Variants in MOK observed in about 807,000 individuals in gnomAD.
MOK encodes MOK protein kinase, also known as MAPK/MAK/MRK overlapping kinase.
In MOK, 59 loss-of-function variants were observed where a neutral mutation model predicts 54.2. The observed-to-expected ratio is 1.09, with a 90% CI of 0.88 to 1.35. The LOEUF is 1.35. MOK is among the 40% of genes most tolerant of loss of function. The pLI is 0.00. For synonymous variants in MOK, 210 were observed against 202.7 expected, an observed-to-expected ratio of 1.04 and a Z score of -0.31; for missense variants, 517 against 526.2, an observed-to-expected ratio of 0.98 and a Z score of 0.17.
the MOK span, among the ~76,000 whole-genome samples, chr14:102,218,474 A>G: frequency 6.6e-6 from 1 of 152,256 alleles, no homozygotes; most frequent in Non-Finnish European, 1.5e-5. Flanking sequence ...TCTGGCTGTC[A>G]GAATCTCCAG....
At chr14:102,256,724 T>TA (rs11298006) in intron 4 of MOK, among the ~76,000 whole-genome samples, 1,477 of 135,782 alleles carry the variant, frequency 0.011, 20 homozygotes, top group African/African-American at 0.026. Context: ...TTGAAACAGT[T>TA]AAAAAAAAAA....
intron 2 of MOK, among the ~76,000 whole-genome samples, chr14:102,270,033 G>A (rs1350108114): frequency 1.3e-5 from 2 of 152,062 alleles, no homozygotes; most frequent in East Asian, 3.9e-4. Flanking sequence ...TGGACCATAA[G>A]GTAAGTCTCA....
Position 102,229,208 on chromosome 14 carries a change from G to T in MOK, c.*81C>A. On this transcript the variant is annotated 3_prime_UTR_variant, in exon 12 of 12. Transcript: ENST00000361847. The stretch of plus-strand genomic sequence containing the variant: ...GCAGGCGCATCCCCAGCCCTCCGTG[G>T]CGTCTCAGCAGCAGATCACCCAGGC... 2 of 1,403,680 alleles carry T rather than the reference G, an allele frequency of 1.4e-6. No homozygotes were observed. Among genetic ancestry groups the T allele is most frequent in the Non-Finnish European group, 1.9e-6 (2 of 1,031,006 alleles). 87.0% of individuals were successfully genotyped at this position (1,403,680 alleles called of 1,614,324 possible). A position where few individuals can be genotyped will look rare whatever the true frequency, so the allele number is the denominator to read the frequency against.
intron 2 of MOK, among the ~76,000 whole-genome samples, chr14:102,278,050 C>T (rs2069050211): frequency 6.7e-6 from 1 of 149,900 alleles, no homozygotes. Context: ...CATGCGACCT[C>T]TCTCTCTCTC....
Position 102,261,531 on chromosome 14 carries a change from A to T in MOK, c.283+2015T>A, listed in dbSNP as rs1473151826. 1.9e-4 allele frequency among the ~76,000 whole-genome samples: 22 copies of T among 118,554 alleles called. 1 individual carries two copies. The highest frequency in any genetic ancestry group is 5.9e-4 in the East Asian group (2 of 3,380). The allele number at this position is 118,554 out of a possible 152,430, so 77.8% of individuals were successfully genotyped here. On this transcript the variant is annotated intron_variant, in intron 4 of 11. Coordinates refer to ENST00000361847, the MANE Select transcript of MOK (RefSeq NM_014226.3). The stretch of plus-strand genomic sequence containing the variant: ...AAATTCTCCCTTCTTGTTGACTTTT[A>T]TTTTTTTTTTATTTTCTGTTGAGAT...
Position 102,232,759 on chromosome 14 carries a change from C to T in MOK, c.693-51G>A, listed in dbSNP as rs769349427. On this transcript the variant is annotated intron_variant, in intron 8 of 11. Coordinates refer to ENST00000361847, the MANE Select transcript of MOK (RefSeq NM_014226.3). The surrounding 1 kb of genome is among the most constrained non-coding windows in gnomAD (Gnocchi z 5.1). ...AATGGTCATGCTGTCACTGAGCGCA[C>T]CGGTGGTCCACTGTCACAACTAAGG... 2 of 1,531,132 alleles carry T rather than the reference C, an allele frequency of 1.3e-6. No individual in the cohort carries two copies. The highest frequency in any genetic ancestry group is 1.8e-6 in the Non-Finnish European group (2 of 1,118,190). The allele number at this position is 1,531,132 out of a possible 1,614,324, so 94.8% of individuals were successfully genotyped here.
chr14:102,249,438 G>A lies in MOK; in HGVS notation c.590+1374C>T, dbSNP rs760257008. 1.4e-4 allele frequency among the ~76,000 whole-genome samples: 22 copies of A among 152,262 alleles called. No individual in the cohort carries two copies. Among genetic ancestry groups the A allele is most frequent in the African/African-American group, 2.4e-4 (10 of 41,536 alleles). On this transcript the variant is annotated intron_variant, in intron 7 of 11. Transcript: ENST00000361847. This position sits in a 1 kb window ranked among gnomAD's most constrained non-coding sequence, Gnocchi z 5.3. ...AAGATTTTAAACCTGTGCTGGGCGC[G>A]GTGGCTCATGCCTGTAATCCCAGCA...
chr14:102,281,204 G>A (rs1034951053), intron 2 of MOK, among the ~76,000 whole-genome samples: 14 of 152,054 alleles, frequency 9.2e-5, no homozygotes, highest in Admixed American at 7.2e-4. Context: ...CACGCCTGTA[G>A]TCCCAGATAC....
intron 2 of MOK, among the ~76,000 whole-genome samples, chr14:102,268,406 C>T (rs1165755809): frequency 6.6e-6 from 1 of 151,844 alleles, no homozygotes; most frequent in African/African-American, 2.4e-5. Context: ...TGGAAGTAAA[C>T]TACTTTTCTT....
intron 2 of MOK, among the ~76,000 whole-genome samples, chr14:102,280,280 C>T (rs1401078884): frequency 6.6e-6 from 1 of 152,082 alleles, no homozygotes; most frequent in Non-Finnish European, 1.5e-5. Context: ...ACAAGCACAA[C>T]TCATTGCAGC....
chr14:102,229,243 T>C lies in MOK; in HGVS notation c.*46A>G. On this transcript the variant is annotated 3_prime_UTR_variant, in exon 12 of 12. Transcript: ENST00000361847. ...AGCAGATCACCCAGGCCTGGCCCGG[T>C]CGGGCTTGGTGTTGCCTCCGAAGTC... is the stretch of plus-strand genomic sequence containing the variant. 6.5e-7 allele frequency: 1 copy of C among 1,533,512 alleles called. No homozygotes were observed. Among genetic ancestry groups the C allele is most frequent in the Non-Finnish European group, 8.8e-7 (1 of 1,131,974 alleles). The allele number at this position is 1,533,512 out of a possible 1,614,324, so 95.0% of individuals were successfully genotyped here.
chr14:102,263,658 T>G, intron 3 of MOK, 42 bp from the exon 4 acceptor site: 2 of 1,379,478 alleles, frequency 1.4e-6, no homozygotes, highest in Non-Finnish European at 2.0e-6. Context: ...TTTCTGGCCT[T>G]AATCAGAAAA....
In MOK at chr14:102,261,385, C is replaced by CAAAAAAAAAAA. The variant is rs1178540689; in HGVS notation, c.283+2150_283+2160dup. 3.1e-4 allele frequency among the ~76,000 whole-genome samples: 2 copies of CAAAAAAAAAAA among 6,490 alleles called. 1 individual carries two copies. Among genetic ancestry groups the CAAAAAAAAAAA allele is most frequent in the Non-Finnish European group, 5.9e-4 (2 of 3,366 alleles). 4.3% of individuals were successfully genotyped at this position (6,490 alleles called of 152,430 possible). ...AGTGAGCTGAGATCGCGCCACGTCT[C>CAAAAAAAAAAA]AAAAAAAAAAAAAAAAAAAAAAAAA... On this transcript the variant is annotated intron_variant, in intron 4 of 11. Transcript: ENST00000361847.
Position 102,254,002 on chromosome 14 carries a change from T to G in MOK, c.284-2007A>C, listed in dbSNP as rs547380715. 2.9e-3 allele frequency among the ~76,000 whole-genome samples: 444 copies of G among 151,924 alleles called. 4 individuals are homozygous for G. Among genetic ancestry groups the G allele is most frequent in the African/African-American group, 8.6e-3 (355 of 41,272 alleles). ...GCAATTAGCTTTTTCTTTTTTTTTT[T>G]GGGACGAAGTGTAGCACTGTCGCCC... On this transcript the variant is annotated intron_variant, in intron 4 of 11. Coordinates refer to ENST00000361847, the MANE Select transcript of MOK (RefSeq NM_014226.3).
intron 1 of MOK, 124 bp downstream of exon 1, chr14:102,304,838 G>C: frequency 5.3e-6 from 6 of 1,136,712 alleles, no homozygotes; most frequent in Non-Finnish European, 7.6e-6. Flanking sequence ...CGGGCCTGTC[G>C]AGCCACGGCA....
intron 1 of MOK, among the ~76,000 whole-genome samples, chr14:102,286,026 G>A (rs575576495): frequency 1.4e-4 from 21 of 152,126 alleles, no homozygotes; most frequent in Admixed American, 5.9e-4. Context: ...CGGGCCGGGC[G>A]CGGTGGCTCA....
At chr14:102,268,616 A>T (rs1447900238) in intron 2 of MOK, among the ~76,000 whole-genome samples, 2 of 151,932 alleles carry the variant, frequency 1.3e-5, no homozygotes, top group Middle Eastern at 3.2e-3. Context: ...TCAGACTTTT[A>T]AAAAAAATGT....
chr14:102,222,602 C>T (rs538233551), downstream of MOK, among the ~76,000 whole-genome samples: 13 of 152,294 alleles, frequency 8.5e-5, no homozygotes, highest in African/African-American at 2.9e-4. The surrounding 1 kb of genome is among the most constrained non-coding windows in gnomAD (Gnocchi z 4.4). Flanking sequence ...TTCTCTTGGA[C>T]GGTATTGAGG....
intron 2 of MOK, among the ~76,000 whole-genome samples, chr14:102,273,232 AT>A (rs1451011699): frequency 6.6e-6 from 1 of 151,406 alleles, no homozygotes; most frequent in Non-Finnish European, 1.5e-5. Context: ...CAGGTGACAT[AT>A]TTCTTTAAGT....
Sources: allele counts gnomAD v4.1 joint callset (sites outside exome capture counted in the v4.1 genomes callset), GRCh38; gene constraint gnomAD v4.1.1; non-coding constraint Gnocchi (gnomAD v3.1); transcripts MANE v1.5; gene names NCBI Gene and HGNC (gene_info 2026-07-23, HGNC 2026-07-21).